B3GALT1: variants seen among roughly 807,000 people sequenced by gnomAD.
B3GALT1 encodes beta-1,3-galactosyltransferase 1, also known as UDP-Gal:betaGlcNAc beta 1,3-galactosyltransferase, polypeptide 1.
Under a neutral mutation model 23.2 loss-of-function variants are expected in B3GALT1, and 10 were observed. The observed-to-expected ratio is 0.43, with a 90% CI of 0.27 to 0.73. The LOEUF (loss-of-function observed/expected upper bound fraction) is 0.73. Ranked by LOEUF, B3GALT1 falls within the 30% of genes least tolerant of loss-of-function variation. B3GALT1 has a pLI of 0.21. For synonymous variants in B3GALT1, 156 were observed against 141.5 expected, an observed-to-expected ratio of 1.10 and a Z score of -0.73; for missense variants, 299 against 405.4, an observed-to-expected ratio of 0.74 and a Z score of 2.25.
chr2:167,648,248 A>C lies in B3GALT1; in HGVS notation c.-352+1282A>C, dbSNP rs547078483. Reference sequence around the variant, plus strand: ...AAAATTCTGCTCTTATCATATGATAACCTTGCTCAAAGCATAAAGGATAAT... The same window carrying C: ...AAAATTCTGCTCTTATCATATGATACCCTTGCTCAAAGCATAAAGGATAAT... On this transcript the variant is annotated intron_variant, in intron 3 of 4. Transcript: ENST00000392690. Among the ~76,000 whole-genome samples the C allele has an allele frequency of 5.3e-5, 8 of 152,238 alleles. No individual in the cohort carries two copies. The South Asian group carries it at 1.7e-3, about 32-fold the overall frequency.
chr2:167,728,264 G>A (rs1231659797), intron 3 of B3GALT1, among the ~76,000 whole-genome samples: 1 of 152,166 alleles, frequency 6.6e-6, no homozygotes, highest in Non-Finnish European at 1.5e-5. Context: ...GGCACCACCT[G>A]TAATTTCAGC....
At chr2:167,307,114 CT>C (rs1270521136) in intron 1 of B3GALT1, among the ~76,000 whole-genome samples, 1 of 151,544 alleles carries the variant, frequency 6.6e-6, no homozygotes, top group African/African-American at 2.4e-5. Context: ...TTGATATATC[CT>C]AAAAAAGATT....
intron 2 of B3GALT1, among the ~76,000 whole-genome samples, chr2:167,512,566 A>ATGTATATATATATGTATATATATATGTG (rs1700027562): frequency 1.1e-5 from 1 of 92,036 alleles, no homozygotes; most frequent in African/African-American, 7.0e-5. Context: ...GTATATATAT[A>ATGTATATATATATGTATATATATATGTG]TGTATATATA....
chr2:167,508,643 A>C (rs1189283839), intron 2 of B3GALT1, among the ~76,000 whole-genome samples: 3 of 152,070 alleles, frequency 2.0e-5, no homozygotes, highest in African/African-American at 7.2e-5. Flanking sequence ...AGTTTCTAAT[A>C]CTCAAATTTT....
chr2:167,690,453 A>G (rs1031936620), intron 3 of B3GALT1, among the ~76,000 whole-genome samples: 1 of 152,098 alleles, frequency 6.6e-6, no homozygotes, highest in Non-Finnish European at 1.5e-5. Context: ...CAAAAGTGAA[A>G]TCCTTAAAAA....
At chr2:167,775,447 T>G (rs1243113897) in intron 3 of B3GALT1, among the ~76,000 whole-genome samples, 1 of 151,794 alleles carries the variant, frequency 6.6e-6, no homozygotes. Flanking sequence ...CGCGTGCCTG[T>G]AGTCCCAGCT....
chr2:167,516,117 T>A (rs1700096850), intron 2 of B3GALT1, among the ~76,000 whole-genome samples: 1 of 152,066 alleles, frequency 6.6e-6, no homozygotes, highest in African/African-American at 2.4e-5. Context: ...CCACCGCAAT[T>A]TAACTGGCTC....
intron 3 of B3GALT1, among the ~76,000 whole-genome samples, chr2:167,807,467 C>T (rs529329263): frequency 7.2e-5 from 11 of 152,002 alleles, no homozygotes; most frequent in African/African-American, 2.2e-4. Flanking sequence ...TATAAATTTC[C>T]CTCTACACAC....
chr2:167,364,339 G>GTA (rs1697551378), intron 1 of B3GALT1, among the ~76,000 whole-genome samples: 2 of 146,324 alleles, frequency 1.4e-5, no homozygotes, highest in African/African-American at 2.6e-5. Context: ...TATATATATA[G>GTA]TTTTTTTTTT....
At chr2:167,652,434 A>C (rs905350840) in intron 3 of B3GALT1, among the ~76,000 whole-genome samples, 6 of 152,238 alleles carry the variant, frequency 3.9e-5, no homozygotes, top group African/African-American at 1.4e-4. Context: ...ACAAGCTTGC[A>C]GCATTGTGAG....
chr2:167,434,713 C>A lies in B3GALT1; in HGVS notation c.-510-55464C>A, dbSNP rs868684534. On this transcript the variant is annotated intron_variant, in intron 1 of 4. Transcript: ENST00000392690. ...AGCATAACTTAATCTATGAATGACC[C>A]CCCCCCCTTATTTTTTCCCTTCAAC... 6.6e-3 allele frequency among the ~76,000 whole-genome samples: 905 copies of A among 137,328 alleles called. 10 individuals are homozygous for A. Among genetic ancestry groups the A allele is most frequent in the African/African-American group, 0.023 (862 of 38,268 alleles). The allele number at this position is 137,328 out of a possible 152,430, so 90.1% of individuals were successfully genotyped here.
At chr2:167,439,069 C>A (rs974126708) in intron 1 of B3GALT1, among the ~76,000 whole-genome samples, 2 of 152,216 alleles carry the variant, frequency 1.3e-5, no homozygotes, top group Non-Finnish European at 2.9e-5. Context: ...TGAGAAAGAA[C>A]AAAGTTGCCT....
At chr2:167,377,745 G>T (rs1289700213) in intron 1 of B3GALT1, among the ~76,000 whole-genome samples, 2 of 152,076 alleles carry the variant, frequency 1.3e-5, no homozygotes, top group African/African-American at 4.8e-5. Flanking sequence ...CTTAAAGACA[G>T]CAGACAGGTA....
chr2:167,583,389 G>C (rs9789488), intron 2 of B3GALT1, among the ~76,000 whole-genome samples: 2 of 151,882 alleles, frequency 1.3e-5, no homozygotes, highest in East Asian at 3.9e-4. Context: ...TTGTTCATAC[G>C]TTAAAGAAAT....
chr2:167,372,017 A>G (rs935419013), intron 1 of B3GALT1, among the ~76,000 whole-genome samples: 2 of 151,796 alleles, frequency 1.3e-5, no homozygotes, highest in African/African-American at 4.8e-5. Context: ...TATTCGAACT[A>G]TACTAAGGAA....
At chr2:167,473,450 A>G (rs535002124) in intron 1 of B3GALT1, among the ~76,000 whole-genome samples, 1 of 152,298 alleles carries the variant, frequency 6.6e-6, no homozygotes, top group South Asian at 2.1e-4. Context: ...TAAAGTAAAC[A>G]TGTTAACGAT....
intron 2 of B3GALT1, among the ~76,000 whole-genome samples, chr2:167,639,031 C>A (rs1455919108): frequency 6.6e-6 from 1 of 151,984 alleles, no homozygotes; most frequent in Non-Finnish European, 1.5e-5. Context: ...TTAATACTTT[C>A]ACAAGTTTGA....
intron 2 of B3GALT1, among the ~76,000 whole-genome samples, chr2:167,573,748 A>G (rs1684337360): frequency 6.6e-6 from 1 of 151,666 alleles, no homozygotes; most frequent in Middle Eastern, 3.2e-3. Flanking sequence ...AGAATAGGCT[A>G]CATAAATAAC....
intron 1 of B3GALT1, among the ~76,000 whole-genome samples, chr2:167,413,963 T>C (rs1356757425): frequency 3.9e-5 from 6 of 152,172 alleles, no homozygotes; most frequent in African/African-American, 9.6e-5. Flanking sequence ...TTTACTGCAA[T>C]TGATATATTT....
Sources: allele counts gnomAD v4.1 joint callset (sites outside exome capture counted in the v4.1 genomes callset), GRCh38; gene constraint gnomAD v4.1.1; transcripts MANE v1.5; gene names NCBI Gene and HGNC (gene_info 2026-07-23, HGNC 2026-07-21).